The following SLCO1B3 variants were observed in gnomAD, a reference collection of about 807,000 sequenced individuals.
SLCO1B3 encodes the protein solute carrier organic anion transporter family member 1B3.
In SLCO1B3, 72 loss-of-function variants were observed where a neutral mutation model predicts 71.8. The observed-to-expected ratio is 1.00, with a 90% CI of 0.83 to 1.22. SLCO1B3 has a LOEUF of 1.22. Among genes scored for constraint, SLCO1B3 ranks in the 50% most tolerant of loss-of-function variants. The pLI is 0.00. For missense variants in SLCO1B3, 911 were observed against 819.7 expected, an observed-to-expected ratio of 1.11 and a Z score of -1.36; for synonymous variants, 298 against 278.4, an observed-to-expected ratio of 1.07 and a Z score of -0.70.
chr12:20,874,448 A>G (rs1432647104), intron 8 of SLCO1B3, among the ~76,000 whole-genome samples: 2 of 152,318 alleles, frequency 1.3e-5, no homozygotes, highest in African/African-American at 4.8e-5. Context: ...TTACTGTTGA[A>G]TCAGTATGTT....
intron 13 of SLCO1B3, among the ~76,000 whole-genome samples, chr12:20,884,314 A>G (rs1865750912): frequency 6.6e-6 from 1 of 152,206 alleles, no homozygotes; most frequent in South Asian, 2.1e-4. Flanking sequence ...AAGACTGCCA[A>G]TTAAAGGAAT....
chr12:20,884,546 G>A (rs2121317934), intron 13 of SLCO1B3, among the ~76,000 whole-genome samples: 1 of 152,182 alleles, frequency 6.6e-6, no homozygotes, highest in East Asian at 1.9e-4. Context: ...CTGAGTGAGA[G>A]GGGTATGGCA....
At chr12:20,898,613 GA>G (rs1252192861) in intron 14 of SLCO1B3, 113 bp downstream of exon 14, 5 of 481,792 alleles carry the variant, frequency 1.0e-5, no homozygotes, top group African/African-American at 2.0e-5. Flanking sequence ...GAATAGGTAA[GA>G]ATCATTTCTA....
intron 10 of SLCO1B3, among the ~76,000 whole-genome samples, chr12:20,878,889 A>G (rs1308754417): frequency 9.7e-6 from 1 of 103,284 alleles, no homozygotes; most frequent in Non-Finnish European, 2.3e-5. Flanking sequence ...ATATTAATTC[A>G]AGAATTTAAT....
At chr12:20,851,038 G>A (rs552916365) in intron 3 of SLCO1B3, among the ~76,000 whole-genome samples, 3 of 152,138 alleles carry the variant, frequency 2.0e-5, no homozygotes, top group South Asian at 4.1e-4. Flanking sequence ...GTTTTGATTT[G>A]CATTATCATA....
intron 3 of SLCO1B3, among the ~76,000 whole-genome samples, chr12:20,823,076 A>G (rs1864349967): frequency 6.6e-6 from 1 of 152,192 alleles, no homozygotes. Flanking sequence ...TGCAAAGAAA[A>G]AAATAGGAGG....
intron 13 of SLCO1B3, among the ~76,000 whole-genome samples, chr12:20,897,708 T>G (rs1866042854): frequency 1.3e-5 from 2 of 152,172 alleles, no homozygotes; most frequent in African/African-American, 4.8e-5. Context: ...TAAAAGTGGG[T>G]TATTTGAGCC....
At chr12:20,841,737 C>T (rs1864806880) in intron 3 of SLCO1B3, among the ~76,000 whole-genome samples, 1 of 152,122 alleles carries the variant, frequency 6.6e-6, no homozygotes, top group African/African-American at 2.4e-5. Flanking sequence ...TACCCTCCAC[C>T]CTCAAGTAGG....
intron 13 of SLCO1B3, among the ~76,000 whole-genome samples, chr12:20,889,619 T>C (rs1343502626): frequency 1.3e-5 from 2 of 152,142 alleles, no homozygotes; most frequent in Admixed American, 6.6e-5. Flanking sequence ...GTAAGCTATC[T>C]ATCTTACTTA....
intron 11 of SLCO1B3, among the ~76,000 whole-genome samples, chr12:20,880,010 ATTAT>A (rs1865659411): frequency 6.6e-6 from 1 of 152,006 alleles, no homozygotes; most frequent in South Asian, 2.1e-4. Flanking sequence ...ATTAAATAAA[ATTAT>A]TCATAATGTA....
chr12:20,867,186 G>A (rs891923576), intron 8 of SLCO1B3, among the ~76,000 whole-genome samples: 12 of 151,990 alleles, frequency 7.9e-5, no homozygotes, highest in African/African-American at 2.7e-4. Flanking sequence ...GACATTTAAG[G>A]CTCATTATAC....
intron 15 of SLCO1B3, among the ~76,000 whole-genome samples, chr12:20,905,049 G>A (rs1370020933): frequency 6.6e-6 from 1 of 152,012 alleles, no homozygotes; most frequent in East Asian, 1.9e-4. Context: ...CTTGCTTTCT[G>A]CCCACTCATA....
intron 8 of SLCO1B3, among the ~76,000 whole-genome samples, chr12:20,872,993 A>G (rs1028704244): frequency 6.6e-6 from 1 of 152,156 alleles, no homozygotes; most frequent in African/African-American, 2.4e-5. Context: ...GGGTCTTATC[A>G]GCACCTTTAC....
At chr12:20,824,415 A>G (rs1424665780) in intron 3 of SLCO1B3, among the ~76,000 whole-genome samples, 2 of 152,158 alleles carry the variant, frequency 1.3e-5, no homozygotes, top group African/African-American at 4.8e-5. Context: ...TTTATCAAAA[A>G]CTTATTTTTT....
chr12:20,881,206 A>T (rs1336522295), intron 12 of SLCO1B3, among the ~76,000 whole-genome samples, 186 bp downstream of exon 12: 2 of 152,182 alleles, frequency 1.3e-5, no homozygotes, highest in Non-Finnish European at 2.9e-5. Flanking sequence ...AACTCTGCTT[A>T]GGACACAATC....
intron 15 of SLCO1B3, among the ~76,000 whole-genome samples, chr12:20,911,669 G>T (rs1405768207): frequency 6.6e-6 from 1 of 152,106 alleles, no homozygotes; most frequent in Non-Finnish European, 1.5e-5. Context: ...CAGGTAGATT[G>T]TATCTTTCAA....
chr12:20,879,347 G>A, intron 10 of SLCO1B3, 89 bp from the exon 11 acceptor site: 2 of 935,412 alleles, frequency 2.1e-6, no homozygotes, highest in South Asian at 3.5e-5. Flanking sequence ...GGTGAATTTG[G>A]TTGATATACA....
At chr12:20,904,238 TA>T (rs71043217) in intron 15 of SLCO1B3, among the ~76,000 whole-genome samples, 5 of 143,222 alleles carry the variant, frequency 3.5e-5, no homozygotes, top group African/African-American at 5.1e-5. Context: ...AGACTCTGTC[TA>T]AAAAAAAAAA....
At chr12:20,888,731 T>C (rs952181342) in intron 13 of SLCO1B3, among the ~76,000 whole-genome samples, 1 of 152,100 alleles carries the variant, frequency 6.6e-6, no homozygotes, top group African/African-American at 2.4e-5. Context: ...CTACGTTGAA[T>C]ACGAGTAGTG....
Sources: gnomAD v4.1 joint callset for allele counts (sites outside exome capture counted in the v4.1 genomes callset) on GRCh38, gnomAD v4.1.1 for gene constraint, MANE v1.5 for transcripts, NCBI Gene and HGNC (gene_info 2026-07-23, HGNC 2026-07-21) for gene names.